The following IGDCC3 variants were observed in gnomAD, a reference collection of about 807,000 sequenced individuals.
IGDCC3 encodes the protein immunoglobulin superfamily DCC subclass member 3.
In IGDCC3, 47 loss-of-function variants were observed where a neutral mutation model predicts 72.0. The observed-to-expected ratio is 0.65, with a 90% confidence interval of 0.52 to 0.83. IGDCC3 has a LOEUF of 0.83. IGDCC3 is among the 40% of genes least tolerant of loss of function. The pLI is 0.00. For synonymous variants in IGDCC3, 477 were observed against 472.8 expected (o/e 1.01, Z -0.11); for missense variants, 1,038 against 1,091.3 (o/e 0.95, Z 0.69).
chr15:65,329,432 G>A lies in IGDCC3; in HGVS notation c.2163C>T (p.Phe721=). 1 of 1,605,540 alleles carries A rather than the reference G, an allele frequency of 6.2e-7. No individual in the cohort carries two copies. The highest frequency in any genetic ancestry group is 8.5e-7 in the Non-Finnish European group (1 of 1,176,958). The change falls in exon 13 of 14, where the codon TTC becomes TTT. Residue 721 remains phenylalanine, a synonymous_variant. Coordinates refer to ENST00000327987, the MANE Select transcript of IGDCC3 (RefSeq NM_004884.4). The surrounding 1 kb of genome is among the most constrained non-coding windows in gnomAD (Gnocchi z 4.1). The stretch of plus-strand genomic sequence containing the variant: ...GCTGCCCTGCTGCGCTGGCCGGGGG[G>A]AACAGCTGCTCCAGCTCCTTCATAT... ...RVDMKELEQL[F]PPASAAGQPD...
rs1010449855 is a variant in IGDCC3, at chr15:65,339,421, C to T, written c.410-3465G>A. On this transcript the variant is annotated intron_variant, in intron 2 of 13. Coordinates refer to ENST00000327987, the MANE Select transcript of IGDCC3 (RefSeq NM_004884.4). This position sits in a 1 kb window ranked among gnomAD's most constrained non-coding sequence, Gnocchi z 4.1. Reference sequence around the variant, plus strand: ...ATAGAGACAGGGTCTCCCTACGTTGCCCGGACTGGCACAGCATTTTTTTCT... The same window carrying T: ...ATAGAGACAGGGTCTCCCTACGTTGTCCGGACTGGCACAGCATTTTTTTCT... Among the ~76,000 whole-genome samples, 5 of 152,222 alleles carry T rather than the reference C, an allele frequency of 3.3e-5. No homozygotes were observed. Among genetic ancestry groups the T allele is most frequent in the African/African-American group, 1.2e-4 (5 of 41,456 alleles).
At chr15:65,376,471 C>T (rs1359387678) in intron 1 of IGDCC3, among the ~76,000 whole-genome samples, 1 of 152,232 alleles carries the variant, frequency 6.6e-6, no homozygotes, top group Non-Finnish European at 1.5e-5. Context: ...CCTCACATTT[C>T]CAGATAACTA....
chr15:65,374,347 A>G lies in IGDCC3; in HGVS notation c.409+750T>C, dbSNP rs188040843. Reference sequence around the variant, plus strand: ...TGGAGAATTTTGGTTTATGCAACACACTCCCAGTGTGCACAGATTCAACAA... The same window carrying G: ...TGGAGAATTTTGGTTTATGCAACACGCTCCCAGTGTGCACAGATTCAACAA... On this transcript the variant is annotated intron_variant, in intron 2 of 13. Coordinates refer to ENST00000327987, the MANE Select transcript of IGDCC3 (RefSeq NM_004884.4). Among the ~76,000 whole-genome samples the G allele has an allele frequency of 5.0e-3, 758 of 152,096 alleles. 11 individuals are homozygous for G. Among genetic ancestry groups the G allele is most frequent in the Non-Finnish European group, 6.1e-3 (415 of 67,986 alleles).
At chr15:65,330,246 C>G (rs1480386703) in intron 11 of IGDCC3, 47 bp downstream of exon 11, 2 of 1,378,230 alleles carry the variant, frequency 1.5e-6, no homozygotes, top group South Asian at 2.5e-5. Flanking sequence ...CCATTACTTT[C>G]CCGGCTTCCC....
intron 2 of IGDCC3, among the ~76,000 whole-genome samples, chr15:65,351,326 G>A (rs1212433495): frequency 1.3e-5 from 2 of 152,164 alleles, no homozygotes; most frequent in Non-Finnish European, 1.5e-5. Context: ...CACAAGGTCA[G>A]GAGATCGACC....
intron 2 of IGDCC3, among the ~76,000 whole-genome samples, chr15:65,374,578 ATT>A (rs1240498142): frequency 6.6e-6 from 1 of 152,176 alleles, no homozygotes; most frequent in South Asian, 2.1e-4. Flanking sequence ...ATCCTACCAT[ATT>A]TTTTTAATGC....
At chr15:65,350,531 G>A (rs141536839) in intron 2 of IGDCC3, among the ~76,000 whole-genome samples, 21 of 148,988 alleles carry the variant, frequency 1.4e-4, no homozygotes, top group African/African-American at 5.0e-4. Flanking sequence ...GCATGATCTC[G>A]GCTCACTGCA....
intron 2 of IGDCC3, among the ~76,000 whole-genome samples, chr15:65,349,607 C>T (rs559148377): frequency 2.0e-5 from 3 of 152,314 alleles, no homozygotes; most frequent in East Asian, 1.9e-4. Flanking sequence ...CAAGATGACT[C>T]AGCAAGCTGG....
At chr15:65,363,386 A>G (rs1197066258) in intron 2 of IGDCC3, among the ~76,000 whole-genome samples, 1 of 152,166 alleles carries the variant, frequency 6.6e-6, no homozygotes, top group Admixed American at 6.5e-5. Context: ...AGTGTGTAGC[A>G]CTGAGCATCC....
At chr15:65,333,516 C>T (rs1444177967) in intron 5 of IGDCC3, 101 bp from the exon 6 acceptor site, 1 of 1,140,636 alleles carries the variant, frequency 8.8e-7, no homozygotes, top group Non-Finnish European at 1.2e-6. Flanking sequence ...CTCCTGTCTT[C>T]TAGGGAGCCC....
chr15:65,370,606 A>G (rs1469149852), intron 2 of IGDCC3, among the ~76,000 whole-genome samples: 2 of 99,534 alleles, frequency 2.0e-5, no homozygotes, highest in African/African-American at 8.0e-5. Context: ...ATGTATGTGT[A>G]TATATATGTA....
intron 2 of IGDCC3, 84 bp from the exon 3 acceptor site, chr15:65,336,040 C>T (rs1462943533): frequency 1.7e-5 from 24 of 1,421,314 alleles, no homozygotes; most frequent in East Asian, 9.4e-5. Flanking sequence ...GTCACAGGCA[C>T]GGAGACCTGG....
In IGDCC3 at chr15:65,331,246, G is replaced by A. The variant is rs545069436; in HGVS notation, c.1397-32C>T. 2.2e-5 allele frequency: 35 copies of A among 1,609,542 alleles called. No individual in the cohort carries two copies. The African/African-American group carries it at 4.7e-4, about 21-fold the overall frequency. On this transcript the variant is annotated intron_variant, in intron 8 of 13. Coordinates refer to ENST00000327987, the MANE Select transcript of IGDCC3 (RefSeq NM_004884.4). ...AGGCACAGGGTGGGCAGGGGAGTGT[G>A]AAGGACTGGGGGAGTCCTGCCAGCA...
At chr15:65,338,855 T>C (rs888553273) in intron 2 of IGDCC3, among the ~76,000 whole-genome samples, 2 of 151,872 alleles carry the variant, frequency 1.3e-5, no homozygotes, top group African/African-American at 4.8e-5. Flanking sequence ...TTAGCTGGAG[T>C]CTCCTAAAAT....
chr15:65,367,129 AG>A (rs1439964630), intron 2 of IGDCC3, among the ~76,000 whole-genome samples: 1 of 152,168 alleles, frequency 6.6e-6, no homozygotes, highest in Non-Finnish European at 1.5e-5. Flanking sequence ...GGATCGCTTG[AG>A]GATAGACGTT....
Position 65,331,199 on chromosome 15 carries a change from T to G in IGDCC3, c.1412A>C (p.Glu471Ala). The G allele has an allele frequency of 6.2e-7, 1 of 1,613,890 alleles. No individual in the cohort carries two copies. ...IRKAADPPEL[E>A]YQEAVSKSTF... ...GCTCTTGCTGACTGCCTCCTGATAC[T>G]CCAGCTCCGGTGGGTCTGGAGAGGC... is the stretch of plus-strand genomic sequence containing the variant. Residue 471 changes from glutamate to alanine, a missense_variant, in exon 9 of 14, where the codon GAG becomes GCG. Glu to Ala is a moderately radical substitution (Grantham distance 107, BLOSUM62 -1). Coordinates refer to ENST00000327987, the MANE Select transcript of IGDCC3 (RefSeq NM_004884.4).
chr15:65,351,307 T>C (rs1157418676), intron 2 of IGDCC3, among the ~76,000 whole-genome samples: 3 of 152,126 alleles, frequency 2.0e-5, no homozygotes, highest in Non-Finnish European at 4.4e-5. Flanking sequence ...GAGGCCAAGG[T>C]GGGCAGATCA....
intron 2 of IGDCC3, among the ~76,000 whole-genome samples, chr15:65,362,571 G>C (rs1284137768): frequency 6.6e-6 from 1 of 151,598 alleles, no homozygotes; most frequent in Non-Finnish European, 1.5e-5. Context: ...GGGTGGGTGG[G>C]GGGGTGCACA....
At position 65,338,441 on chromosome 15, in the gene IGDCC3, C is replaced by T. The variant is rs966120937; in HGVS notation, c.410-2485G>A. ...TTAGTTTTCCAGCAAGTTTCTCACTCTCCAAGGCCAGGTAACTGCAGAGTG... is the reference window on the plus strand; with the variant it reads ...TTAGTTTTCCAGCAAGTTTCTCACTTTCCAAGGCCAGGTAACTGCAGAGTG... On this transcript the variant is annotated intron_variant, in intron 2 of 13. Transcript: ENST00000327987. Among the ~76,000 whole-genome samples, 13 of 152,316 alleles carry T rather than the reference C, an allele frequency of 8.5e-5. No homozygotes were observed. In the South Asian group the frequency reaches 2.7e-3, roughly 32 times the overall value.
Sources: allele counts gnomAD v4.1 joint callset (sites outside exome capture counted in the v4.1 genomes callset), GRCh38; gene constraint gnomAD v4.1.1; non-coding constraint Gnocchi (gnomAD v3.1); transcripts MANE v1.5; gene names NCBI Gene and HGNC (gene_info 2026-07-23, HGNC 2026-07-21).